NEXMIF: variants seen among roughly 807,000 people sequenced by gnomAD.
NEXMIF encodes neurite extension and migration factor.
NEXMIF carries 8 observed loss-of-function variants against 62.1 expected under a neutral mutation model. That is an observed-to-expected ratio of 0.13 (90% confidence interval 0.08 to 0.23). The LOEUF is 0.23. Among genes scored for constraint, NEXMIF ranks in the 10% least tolerant of loss-of-function variants. The pLI, the probability that NEXMIF is intolerant of heterozygous loss-of-function variation, is 1.00. For synonymous variants in NEXMIF, 404 were observed against 416.6 expected (o/e 0.97, Z 0.37); for missense variants, 976 against 1,113.3 (o/e 0.88, Z 1.75).
At chrX:74,791,475 A>G (rs2080282537) in intron 1 of NEXMIF, among the ~76,000 whole-genome samples, 1 of 110,914 alleles carries the variant, frequency 9.0e-6, no homozygotes, top group Non-Finnish European at 1.9e-5. Flanking sequence ...TTGGTATCAG[A>G]ATGATGCTGG....
chrX:74,802,678 C>T (rs2080333225), intron 1 of NEXMIF, among the ~76,000 whole-genome samples: 1 of 110,194 alleles, frequency 9.1e-6, no homozygotes, highest in South Asian at 3.9e-4. Flanking sequence ...ATATCAAGAC[C>T]ATCCAGGAAA....
At chrX:74,779,532 T>C (rs1469008750) in intron 1 of NEXMIF, among the ~76,000 whole-genome samples, 1 of 111,676 alleles carries the variant, frequency 9.0e-6, no homozygotes, top group African/African-American at 3.3e-5. Context: ...GGCTCTATCA[T>C]ACCTCAGCAG....
intron 1 of NEXMIF, among the ~76,000 whole-genome samples, chrX:74,889,431 C>T (rs945983297): frequency 8.9e-6 from 1 of 111,807 alleles, no homozygotes; most frequent in Non-Finnish European, 1.9e-5. Context: ...AATAGTGTTT[C>T]GCAAACCTTA....
chrX:74,788,676 C>T (rs1389982444), intron 1 of NEXMIF, among the ~76,000 whole-genome samples: 2 of 111,583 alleles, frequency 1.8e-5, no homozygotes, highest in African/African-American at 6.5e-5. Context: ...ACAAATTTAG[C>T]TGTTGGGATA....
At chrX:74,838,357 T>A (rs1221630693) in intron 1 of NEXMIF, among the ~76,000 whole-genome samples, 1 of 112,334 alleles carries the variant, frequency 8.9e-6, no homozygotes, top group African/African-American at 3.2e-5. Flanking sequence ...AGAAAAATTC[T>A]GATATTACTA....
chrX:74,909,380 T>C (rs1453467456), intron 1 of NEXMIF, among the ~76,000 whole-genome samples: 1 of 111,729 alleles, frequency 9.0e-6, no homozygotes, highest in Admixed American at 9.5e-5. Context: ...TGGTGGCATT[T>C]TGCCCCTGCC....
intron 1 of NEXMIF, among the ~76,000 whole-genome samples, chrX:74,808,504 T>C (rs893049264): frequency 7.1e-5 from 8 of 112,347 alleles, no homozygotes; most frequent in Non-Finnish European, 1.5e-4. Flanking sequence ...TCTGTATTAA[T>C]GAGAGATATT....
Position 74,741,236 on chromosome X carries a change from G to T in NEXMIF, c.3321C>A (p.Asp1107Glu). ...GFQEGVPGPL[D>E]SVEKIKWDCS... ...AGTCCCACTTGATTTTTTCCACACT[G>T]TCCAATGGTCCTGGGACACCCTCTT... is the stretch of plus-strand genomic sequence containing the variant. The change falls in exon 3 of 4, where the codon GAC becomes GAA. Residue 1107 changes from aspartate to glutamate, a missense_variant. Coordinates refer to ENST00000055682, the MANE Select transcript of NEXMIF (RefSeq NM_001008537.3). The T allele has an allele frequency of 8.3e-7, 1 of 1,211,002 alleles. No homozygotes were observed. Among genetic ancestry groups the T allele is most frequent in the South Asian group, 1.8e-5 (1 of 56,932 alleles).
chrX:74,822,045 G>A (rs769703046), intron 1 of NEXMIF, among the ~76,000 whole-genome samples: 1 of 111,801 alleles, frequency 8.9e-6, no homozygotes, highest in South Asian at 3.7e-4. Context: ...CATCACACCC[G>A]GTCTCAGTTG....
At chrX:74,764,868 G>A (rs902023502) in intron 1 of NEXMIF, among the ~76,000 whole-genome samples, 5 of 111,892 alleles carry the variant, frequency 4.5e-5, no homozygotes, top group Non-Finnish European at 9.4e-5. Flanking sequence ...TAGAGTATGC[G>A]CCATGTGGCA....
chrX:74,820,908 C>T (rs988337879), intron 1 of NEXMIF, among the ~76,000 whole-genome samples: 7 of 110,958 alleles, frequency 6.3e-5, no homozygotes, highest in African/African-American at 2.3e-4. Context: ...AACTACCTAT[C>T]GAGTACTATG....
chrX:74,755,641 T>C (rs1292315211), intron 1 of NEXMIF, among the ~76,000 whole-genome samples: 1 of 111,995 alleles, frequency 8.9e-6, no homozygotes, highest in East Asian at 2.8e-4. Context: ...AACTCTGGAC[T>C]TGCTTTCACT....
At chrX:74,878,605 G>T in intron 1 of NEXMIF, among the ~76,000 whole-genome samples, 1 of 112,860 alleles carries the variant, frequency 8.9e-6, no homozygotes, top group Non-Finnish European at 1.9e-5. Context: ...CCACCTTGCA[G>T]ATTGATCTCA....
At chrX:74,783,865 C>T (rs1044691010) in intron 1 of NEXMIF, among the ~76,000 whole-genome samples, 2 of 111,639 alleles carry the variant, frequency 1.8e-5, no homozygotes, top group South Asian at 7.5e-4. Flanking sequence ...GTGCCATTAC[C>T]ACCTGAGTTC....
chrX:74,822,739 G>A (rs2080401273), intron 1 of NEXMIF, among the ~76,000 whole-genome samples: 2 of 112,031 alleles, frequency 1.8e-5, no homozygotes, highest in Non-Finnish European at 3.8e-5. Flanking sequence ...AGATAATAAT[G>A]TTGGCATGGA....
intron 1 of NEXMIF, among the ~76,000 whole-genome samples, chrX:74,794,788 G>A (rs751258440): frequency 8.9e-6 from 1 of 111,782 alleles, no homozygotes; most frequent in African/African-American, 3.2e-5. Flanking sequence ...GGAACTCCCT[G>A]ACCCCTTGCG....
chrX:74,755,152 G>A (rs925299271), intron 1 of NEXMIF, among the ~76,000 whole-genome samples: 9 of 112,570 alleles, frequency 8.0e-5, no homozygotes, highest in African/African-American at 2.9e-4. Flanking sequence ...GCTTACTTGA[G>A]CACTCCACTT....
At position 74,811,144 on chromosome X, in the gene NEXMIF, G is replaced by A. The variant is rs368921304; in HGVS notation, c.-47-65447C>T. Among the ~76,000 whole-genome samples, 7 of 111,912 alleles carry A rather than the reference G, an allele frequency of 6.3e-5. No homozygotes were observed. In the South Asian group the frequency reaches 2.6e-3, roughly 42 times the overall value. ...TATCAGAAAGAGGACTTCAAAGCCA[G>A]GCTTGTTTAAACCCTAAAGCTGCAT... On this transcript the variant is annotated intron_variant, in intron 1 of 3. Transcript: ENST00000055682.
chrX:74,891,605 T>G, intron 1 of NEXMIF, among the ~76,000 whole-genome samples: 1 of 111,799 alleles, frequency 8.9e-6, no homozygotes. Context: ...ATTGTTGTAT[T>G]TGTTTGTTTT....
Sources: gnomAD v4.1 joint callset for allele counts (sites outside exome capture counted in the v4.1 genomes callset) on GRCh38, gnomAD v4.1.1 for gene constraint, MANE v1.5 for transcripts, NCBI Gene and HGNC (gene_info 2026-07-23, HGNC 2026-07-21) for gene names.